GRIK4: variants seen among roughly 807,000 people sequenced by gnomAD.
The protein encoded by GRIK4 is glutamate receptor ionotropic, kainate 4.
Under a neutral mutation model 104.9 loss-of-function variants are expected in GRIK4, and 40 were observed. The observed-to-expected ratio is 0.38, with a 90% confidence interval of 0.30 to 0.50. The LOEUF (loss-of-function observed/expected upper bound fraction) is 0.50. Ranked by LOEUF, GRIK4 falls within the 20% of genes least tolerant of loss-of-function variation. The probability of loss-of-function intolerance (pLI) is 0.93; values close to 1 mark genes in which losing one functional copy is unlikely to be tolerated. For missense variants in GRIK4, 1,047 were observed against 1,308.1 expected (o/e 0.80, Z 3.08); for synonymous variants, 485 against 524.9 (o/e 0.92, Z 1.04).
Position 120,962,627 on chromosome 11 carries a change from A to G in GRIK4, c.2212A>G (p.Thr738Ala). 1.9e-6 allele frequency: 3 copies of G among 1,613,814 alleles called. No individual in the cohort carries two copies. The highest frequency in any genetic ancestry group is 1.6e-4 in the Middle Eastern group (1 of 6,062). Residue 738 changes from threonine to alanine, a missense_variant, in exon 18 of 21, where the codon ACT (threonine) becomes GCT (alanine). Physicochemically the swap from Thr to Ala is moderately conservative, Grantham distance 58. This residue lies in a region of GRIK4 where 440 missense variants were observed against 652.3 expected (regional missense o/e 0.67). Transcript: ENST00000527524. ...EYYRQRNCNL[T>A]QIGGLLDTKG... ...CTATCGGCAGCGAAACTGCAACCTC[A>G]CTCAGATTGGGGGCCTGCTGGACAC... is the stretch of plus-strand genomic sequence containing the variant.
intron 11 of GRIK4, among the ~76,000 whole-genome samples, chr11:120,893,870 C>T (rs1451319956): frequency 1.3e-5 from 2 of 152,308 alleles, no homozygotes; most frequent in African/African-American, 4.8e-5. Flanking sequence ...TTAATCTCTG[C>T]ACCCTAACCT....
At chr11:120,636,982 CTG>C (rs1949404830) in intron 1 of GRIK4, among the ~76,000 whole-genome samples, 1 of 152,348 alleles carries the variant, frequency 6.6e-6, no homozygotes, top group East Asian at 1.9e-4. Context: ...CAGTGATAAG[CTG>C]GTGCAAAACC....
Position 120,953,180 on chromosome 11 carries a change from G to A in GRIK4, c.1700+216G>A, listed in dbSNP as rs945916412. On this transcript the variant is annotated intron_variant, in intron 15 of 20. Coordinates refer to ENST00000527524, the MANE Select transcript of GRIK4 (RefSeq NM_014619.5). This position sits in a 1 kb window ranked among gnomAD's most constrained non-coding sequence, Gnocchi z 4.9. Reference sequence around the variant, plus strand: ...CATCCAAACATTCCCCACTGTGCACGACGCAGACAGGTGGCTTGGCTTCTG... The same window carrying A: ...CATCCAAACATTCCCCACTGTGCACAACGCAGACAGGTGGCTTGGCTTCTG... Among the ~76,000 whole-genome samples the A allele has an allele frequency of 5.3e-5, 8 of 151,994 alleles. No homozygotes were observed. The highest frequency in any genetic ancestry group is 1.2e-4 in the African/African-American group (5 of 41,370).
chr11:120,771,340 A>C (rs1179665843), intron 3 of GRIK4, among the ~76,000 whole-genome samples: 1 of 152,194 alleles, frequency 6.6e-6, no homozygotes, highest in Admixed American at 6.5e-5. Context: ...CCTTCTTATA[A>C]AGTGGCAAAG....
Position 120,937,131 on chromosome 11 carries a change from G to A in GRIK4, c.1477-3216G>A, listed in dbSNP as rs545244955. On this transcript the variant is annotated intron_variant, in intron 13 of 20. Coordinates refer to ENST00000527524, the MANE Select transcript of GRIK4 (RefSeq NM_014619.5). ...CAGCTCACTGCAACCTCCATCTCCC[G>A]GGTTCAAGTGATTCTCCCTGTCTCA... Among the ~76,000 whole-genome samples the A allele has an allele frequency of 5.9e-5, 9 of 152,208 alleles. No individual in the cohort carries two copies. The South Asian group carries it at 1.2e-3, about 21-fold the overall frequency.
intron 5 of GRIK4, 152 bp downstream of exon 5, chr11:120,815,627 G>C (rs1336979072): frequency 9.4e-6 from 5 of 534,176 alleles, no homozygotes; most frequent in Non-Finnish European, 1.6e-5. Flanking sequence ...CAGAAGCAGT[G>C]GGCTTGCCCT....
At chr11:120,679,503 T>C (rs998313151) in intron 3 of GRIK4, among the ~76,000 whole-genome samples, 1 of 152,222 alleles carries the variant, frequency 6.6e-6, no homozygotes, top group Non-Finnish European at 1.5e-5. Context: ...TGCAGGGCCA[T>C]CTAATACAGT....
intron 11 of GRIK4, among the ~76,000 whole-genome samples, chr11:120,875,910 G>C (rs559484748): frequency 6.6e-6 from 1 of 151,890 alleles, no homozygotes; most frequent in South Asian, 2.1e-4. Flanking sequence ...TCCCACCCTC[G>C]CCATCACCCT....
chr11:120,590,646 C>T (rs1351329480), intron 1 of GRIK4, among the ~76,000 whole-genome samples: 2 of 152,154 alleles, frequency 1.3e-5, no homozygotes, highest in African/African-American at 4.8e-5. Flanking sequence ...GGACTCAGGC[C>T]TCTTCTTTGG....
intron 3 of GRIK4, among the ~76,000 whole-genome samples, chr11:120,755,185 C>T (rs1951631041): frequency 6.6e-6 from 1 of 152,134 alleles, no homozygotes; most frequent in Admixed American, 6.5e-5. Context: ...GAGAGGTGAA[C>T]AGAGCTGAGT....
chr11:120,581,462 G>T (rs1408705186), intron 1 of GRIK4, among the ~76,000 whole-genome samples: 1 of 152,180 alleles, frequency 6.6e-6, no homozygotes, highest in Admixed American at 6.5e-5. Flanking sequence ...TAAATGTACA[G>T]TTCAGCAGTG....
At chr11:120,807,891 C>T (rs4278523) in intron 4 of GRIK4, among the ~76,000 whole-genome samples, 15,695 of 152,120 alleles carry the variant, frequency 0.1, 2,573 homozygotes, top group African/African-American at 0.34. Flanking sequence ...ATCTGCAAAA[C>T]GACACCATCT....
chr11:120,528,335 T>A (rs1197940486), intron 1 of GRIK4, among the ~76,000 whole-genome samples: 1 of 152,110 alleles, frequency 6.6e-6, no homozygotes, highest in Non-Finnish European at 1.5e-5. Context: ...ATGGTCTTGA[T>A]CTCCTGACCT....
At chr11:120,842,704 G>A (rs1009259090) in intron 8 of GRIK4, among the ~76,000 whole-genome samples, 2 of 152,220 alleles carry the variant, frequency 1.3e-5, no homozygotes, top group African/African-American at 4.8e-5. Flanking sequence ...GATGCACTGT[G>A]CTTATTCGGC....
chr11:120,725,006 G>T (rs554117680), intron 3 of GRIK4, among the ~76,000 whole-genome samples: 1 of 151,926 alleles, frequency 6.6e-6, no homozygotes, highest in African/African-American at 2.4e-5. Context: ...TCAACTATTC[G>T]CATAATAAAA....
chr11:120,683,894 G>A (rs918511086), intron 3 of GRIK4, among the ~76,000 whole-genome samples: 23 of 152,324 alleles, frequency 1.5e-4, no homozygotes, highest in African/African-American at 4.3e-4. Context: ...TGGAGTACCC[G>A]TTTGCCAGGC....
intron 11 of GRIK4, among the ~76,000 whole-genome samples, chr11:120,896,770 A>T (rs1396801761): frequency 6.6e-6 from 1 of 152,252 alleles, no homozygotes; most frequent in Admixed American, 6.5e-5. Flanking sequence ...CCCAGAGCCC[A>T]GTTCTGCGGA....
At chr11:120,561,036 T>C (rs760051721) in intron 1 of GRIK4, among the ~76,000 whole-genome samples, 1 of 152,208 alleles carries the variant, frequency 6.6e-6, no homozygotes, top group South Asian at 2.1e-4. Context: ...CTTTGAATAG[T>C]AGACATTTGG....
At chr11:120,706,753 C>T (rs565565982) in intron 3 of GRIK4, among the ~76,000 whole-genome samples, 3 of 152,320 alleles carry the variant, frequency 2.0e-5, no homozygotes, top group African/African-American at 7.2e-5. Context: ...CAAGACCAAG[C>T]TGTGAGTAGG....
Sources: gnomAD v4.1 joint callset for allele counts (sites outside exome capture counted in the v4.1 genomes callset) on GRCh38, gnomAD v4.1.1 for gene constraint, gnomAD v4.1.1 regional missense constraint, Gnocchi (gnomAD v3.1) non-coding constraint, MANE v1.5 for transcripts, NCBI Gene and HGNC (gene_info 2026-07-23, HGNC 2026-07-21) for gene names.